Variants in RCAN1 observed in about 807,000 individuals in gnomAD.
RCAN1 encodes the protein calcipressin-1.
Under a neutral mutation model 22.9 loss-of-function variants are expected in RCAN1, and 11 were observed. The ratio of observed to expected loss-of-function variants is 0.48; its 90% CI spans 0.30 to 0.79. The LOEUF (loss-of-function observed/expected upper bound fraction) is 0.79, where lower values mean the gene tolerates loss of function less well. RCAN1 is among the 30% of genes least tolerant of loss of function. The probability of loss-of-function intolerance (pLI) is 0.06; values close to 1 mark genes in which losing one functional copy is unlikely to be tolerated. For synonymous variants in RCAN1, 136 were observed against 142.3 expected (o/e 0.96, Z 0.32); for missense variants, 291 against 337.8 (o/e 0.86, Z 1.09).
rs1985107813 is a variant in RCAN1, at chr21:34,527,007, C to T, written c.253-3297G>A. 8 of 1,266,682 alleles carry T rather than the reference C, an allele frequency of 6.3e-6. No homozygotes were observed. The South Asian group carries it at 1.6e-4, about 25-fold the overall frequency. 78.5% of individuals were successfully genotyped at this position (1,266,682 alleles called of 1,614,324 possible). A position where few individuals can be genotyped will look rare whatever the true frequency, so the allele number is the denominator to read the frequency against. On this transcript the variant is annotated intron_variant, in intron 1 of 3. Transcript: ENST00000313806. The stretch of plus-strand genomic sequence containing the variant: ...CTACTGGAAAGAGGTGACGTCAACA[C>T]CTTAGTCATTTTCCCTATGCTAATT...
chr21:34,525,021 T>C lies in RCAN1; in HGVS notation c.253-1311A>G, dbSNP rs190224434. 13 of 1,538,320 alleles carry C rather than the reference T, an allele frequency of 8.5e-6. No individual in the cohort carries two copies. In the African/African-American group the frequency reaches 1.8e-4, roughly 21 times the overall value. On this transcript the variant is annotated intron_variant, in intron 1 of 3. Transcript: ENST00000313806. ...AGCCCGTGTGAAAGGCAGAAGGGGC[T>C]GGCCAGGAAGAAGGGGATGGCGCAG...
intron 1 of RCAN1, among the ~76,000 whole-genome samples, chr21:34,552,585 T>A (rs2247912): frequency 6.6e-6 from 1 of 151,736 alleles, no homozygotes; most frequent in African/African-American, 2.4e-5. Flanking sequence ...TCAGAATCAA[T>A]GGAAATGACA....
chr21:34,601,369 C>A (rs2123725216), intron 1 of RCAN1, among the ~76,000 whole-genome samples: 1 of 152,278 alleles, frequency 6.6e-6, no homozygotes, highest in East Asian at 1.9e-4. Context: ...AACCAGGAGA[C>A]CTAAGTGCAG....
At chr21:34,567,256 G>A (rs1025285543) in intron 1 of RCAN1, among the ~76,000 whole-genome samples, 8 of 152,210 alleles carry the variant, frequency 5.3e-5, no homozygotes, top group African/African-American at 1.9e-4. Flanking sequence ...AGCACTTTGG[G>A]AGGCCAAGGC....
chr21:34,608,855 T>C (rs1241002104), intron 1 of RCAN1, among the ~76,000 whole-genome samples: 2 of 152,086 alleles, frequency 1.3e-5, no homozygotes, highest in East Asian at 1.9e-4. Context: ...AAGGCATCGG[T>C]AGGATAAATA....
At chr21:34,583,834 A>C (rs1240573168) in intron 1 of RCAN1, among the ~76,000 whole-genome samples, 2 of 152,214 alleles carry the variant, frequency 1.3e-5, no homozygotes, top group Non-Finnish European at 2.9e-5. Context: ...CCATGACCAT[A>C]TCAGCCACTG....
intron 1 of RCAN1, among the ~76,000 whole-genome samples, chr21:34,591,214 C>G (rs1010393179): frequency 6.6e-6 from 1 of 152,140 alleles, no homozygotes; most frequent in Non-Finnish European, 1.5e-5. Flanking sequence ...AAATGAAACC[C>G]CTGCCCACAT....
chr21:34,520,881 G>A (rs1401869832), intron 3 of RCAN1, among the ~76,000 whole-genome samples: 7 of 152,208 alleles, frequency 4.6e-5, no homozygotes, highest in Non-Finnish European at 4.4e-5. Flanking sequence ...CAAAGAGCCT[G>A]AGGAACCTAC....
At chr21:34,534,757 C>T (rs1476992282) in intron 1 of RCAN1, among the ~76,000 whole-genome samples, 2 of 152,154 alleles carry the variant, frequency 1.3e-5, no homozygotes, top group African/African-American at 4.8e-5. Context: ...TTCTCACAGG[C>T]CTCAGGGGAA....
intron 3 of RCAN1, 101 bp downstream of exon 3, chr21:34,521,398 G>T: frequency 6.3e-7 from 1 of 1,591,686 alleles, no homozygotes; most frequent in South Asian, 1.1e-5. Flanking sequence ...ATGCCGGCAT[G>T]GGCTCAGGAG....
chr21:34,518,117 C>G lies in RCAN1; in HGVS notation c.726G>C (p.Arg242Ser). 6.2e-7 allele frequency: 1 copy of G among 1,614,192 alleles called. No individual in the cohort carries two copies. Among genetic ancestry groups the G allele is most frequent in the Non-Finnish European group, 8.5e-7 (1 of 1,180,032 alleles). The change falls in exon 4 of 4, where the codon AGG becomes AGC. Residue 242 changes from arginine (R) to serine (S), a missense_variant. Coordinates refer to ENST00000313806, the MANE Select transcript of RCAN1 (RefSeq NM_004414.7). This position sits in a 1 kb window ranked among gnomAD's most constrained non-coding sequence, Gnocchi z 4.2. ...GGTGGATCGGCGTGTACTCCGGCCT[C>G]CTGGTCTGGATAATTTTTGGCTTAG... ...RRPKPKIIQT[R>S]RPEYTPIHLS
chr21:34,528,259 G>C (rs955802893), intron 1 of RCAN1, among the ~76,000 whole-genome samples: 2 of 152,152 alleles, frequency 1.3e-5, no homozygotes, highest in African/African-American at 4.8e-5. Flanking sequence ...AACAAAGCAG[G>C]GCATTTAGCC....
chr21:34,548,703 C>T (rs1025117942), intron 1 of RCAN1, among the ~76,000 whole-genome samples: 1 of 152,100 alleles, frequency 6.6e-6, no homozygotes, highest in African/African-American at 2.4e-5. Flanking sequence ...TAATTGAAAA[C>T]ATTATTCATG....
At chr21:34,533,085 C>T (rs796660254) in intron 1 of RCAN1, among the ~76,000 whole-genome samples, 88 of 151,438 alleles carry the variant, frequency 5.8e-4, no homozygotes, top group South Asian at 4.4e-3. Context: ...CTCAGCCTCC[C>T]GAGTAGCTGG....
intron 1 of RCAN1, among the ~76,000 whole-genome samples, chr21:34,528,085 C>T (rs2123596018): frequency 6.6e-6 from 1 of 152,296 alleles, no homozygotes; most frequent in Middle Eastern, 3.4e-3. Flanking sequence ...TTTATTATCA[C>T]CTAAAAGCAC....
At chr21:34,566,052 G>A (rs1374314176) in intron 1 of RCAN1, among the ~76,000 whole-genome samples, 2 of 152,184 alleles carry the variant, frequency 1.3e-5, no homozygotes, top group Non-Finnish European at 2.9e-5. Context: ...AGCAGAAGTG[G>A]AGATATTTCT....
At chr21:34,591,095 C>T (rs572145390) in intron 1 of RCAN1, among the ~76,000 whole-genome samples, 17 of 152,262 alleles carry the variant, frequency 1.1e-4, no homozygotes, top group Non-Finnish European at 1.5e-4. Context: ...GACAGATCCC[C>T]GATCCAGTCC....
chr21:34,584,683 G>A lies in RCAN1; in HGVS notation c.252+30077C>T, dbSNP rs117130317. 5.8e-4 allele frequency among the ~76,000 whole-genome samples: 89 copies of A among 152,312 alleles called. No homozygotes were observed. The East Asian group carries it at 0.01, about 17-fold the overall frequency. On this transcript the variant is annotated intron_variant, in intron 1 of 3. Coordinates refer to ENST00000313806, the MANE Select transcript of RCAN1 (RefSeq NM_004414.7). ...GAAAACTACAAAGGACACAGAGGAC[G>A]TCAGTCCAAAGGAGGTAAAAACTGA...
At chr21:34,525,147 A>T in intron 1 of RCAN1, 1 of 1,550,526 alleles carries the variant, frequency 6.4e-7, no homozygotes, top group Non-Finnish European at 8.7e-7. Context: ...TCAGGATAAG[A>T]GAGGAGAGTG....
Sources: allele counts gnomAD v4.1 joint callset (sites outside exome capture counted in the v4.1 genomes callset), GRCh38; gene constraint gnomAD v4.1.1; non-coding constraint Gnocchi (gnomAD v3.1); transcripts MANE v1.5; gene names NCBI Gene and HGNC (gene_info 2026-07-23, HGNC 2026-07-21).